The following UBR2 variants were observed in gnomAD, a reference collection of about 807,000 sequenced individuals.
UBR2 encodes the protein E3 ubiquitin-protein ligase UBR2.
In UBR2, 92 loss-of-function variants were observed where a neutral mutation model predicts 247.9. That is an observed-to-expected ratio of 0.37 (90% CI 0.31 to 0.44). UBR2 has a LOEUF of 0.44. Ranked by LOEUF, UBR2 falls within the 20% of genes least tolerant of loss-of-function variation. The pLI, the probability that UBR2 is intolerant of heterozygous loss-of-function variation, is 1.00. For missense variants in UBR2, 1,613 were observed against 2,112.6 expected, an observed-to-expected ratio of 0.76 and a Z score of 4.64; for synonymous variants, 672 against 693.5, an observed-to-expected ratio of 0.97 and a Z score of 0.49.
Position 42,640,383 on chromosome 6 carries a change from G to GGTGTGTGT in UBR2, c.1920+158_1920+165dup, listed in dbSNP as rs61668810. 1,709 of 173,038 alleles carry GGTGTGTGT rather than the reference G, an allele frequency of 9.9e-3. 6 individuals are homozygous for GGTGTGTGT. The highest frequency in any genetic ancestry group is 0.021 in the Admixed American group (176 of 8,440). 10.7% of individuals were successfully genotyped at this position (173,038 alleles called of 1,614,324 possible). On this transcript the variant is annotated intron_variant, in intron 16 of 46. Transcript: ENST00000372901. ...TTCTCCAGAGGAACAGAACCAGTAAGGTGTGTGTGTGTGTGTGTGTGTGTG... is the reference window on the plus strand; with the variant it reads ...TTCTCCAGAGGAACAGAACCAGTAAGGTGTGTGTGTGTGTGTGTGTGTGTGTGTGTGTG...
intron 7 of UBR2, among the ~76,000 whole-genome samples, chr6:42,608,840 G>A (rs745817240): frequency 2.0e-5 from 3 of 151,724 alleles, no homozygotes; most frequent in Admixed American, 2.0e-4. Context: ...TAAGTTTGTT[G>A]TGGTGCCTTT....
At chr6:42,644,136 C>T in intron 18 of UBR2, 78 bp from the exon 19 acceptor site, 4 of 1,441,918 alleles carry the variant, frequency 2.8e-6, no homozygotes, top group East Asian at 2.3e-5. Context: ...GCCAAACTAT[C>T]TCTCACTAAT....
In UBR2 at chr6:42,619,439, ATATATATATATATATT is replaced by A. The variant is rs1403157607; in HGVS notation, c.1281+1934_1281+1949del. The A allele has an allele frequency of 1.3e-3, 29 of 22,862 alleles. 4 individuals carry two copies. In the Middle Eastern group the frequency reaches 0.05, roughly 39 times the overall value. The allele number at this position is 22,862 out of a possible 1,614,324, so 1.4% of individuals were successfully genotyped here. Reference sequence around the variant, plus strand: ...TATATATATATATATATATATATATATATATATATATATATTTTTTTTTTTTAGTTCTCTATCTCTG... The same window carrying A: ...TATATATATATATATATATATATATATTTTTTTTTTAGTTCTCTATCTCTG... On this transcript the variant is annotated intron_variant, in intron 11 of 46. Coordinates refer to ENST00000372901, the MANE Select transcript of UBR2 (RefSeq NM_001363705.2).
intron 15 of UBR2, 116 bp downstream of exon 15, chr6:42,637,310 T>A (rs1582610003): frequency 1.7e-6 from 2 of 1,144,016 alleles, no homozygotes; most frequent in South Asian, 3.2e-5. Context: ...TCTACATCAT[T>A]AACTTATCCA....
At chr6:42,622,061 G>A (rs942028976) in intron 11 of UBR2, among the ~76,000 whole-genome samples, 2 of 151,810 alleles carry the variant, frequency 1.3e-5, no homozygotes, top group African/African-American at 4.8e-5. Flanking sequence ...TGTCACCCAG[G>A]CTAGAGCACA....
chr6:42,675,681 C>T (rs1331700384), intron 38 of UBR2, among the ~76,000 whole-genome samples: 1 of 152,082 alleles, frequency 6.6e-6, no homozygotes, highest in African/African-American at 2.4e-5. Flanking sequence ...GAAATGTGAC[C>T]AGGCGCGGTG....
chr6:42,581,245 A>G lies in UBR2; in HGVS notation c.338+7252A>G, dbSNP rs370981308. On this transcript the variant is annotated intron_variant, in intron 2 of 46. Coordinates refer to ENST00000372901, the MANE Select transcript of UBR2 (RefSeq NM_001363705.2). ...CGCTCTGTCGCCCAGGCTGAAGTGCAGTGGCATGATCTCAGCTCACTGCAA... is the reference window on the plus strand; with the variant it reads ...CGCTCTGTCGCCCAGGCTGAAGTGCGGTGGCATGATCTCAGCTCACTGCAA... Among the ~76,000 whole-genome samples the G allele has an allele frequency of 3.3e-5, 5 of 150,624 alleles. No homozygotes were observed. The East Asian group carries it at 9.8e-4, about 30-fold the overall frequency.
rs750137823 is a variant in UBR2, at chr6:42,601,904, CTG to C, written c.532-1682_532-1681del. Among the ~76,000 whole-genome samples, 181 of 113,696 alleles carry C rather than the reference CTG, an allele frequency of 1.6e-3. 2 individuals are homozygous for C. The highest frequency in any genetic ancestry group is 5.4e-3 in the Middle Eastern group (1 of 186). The allele number at this position is 113,696 out of a possible 152,430, so 74.6% of individuals were successfully genotyped here. ...TTTTTTTTTTTGATGGAGTTTTGCT[CTG>C]TTGCCCAGGCTGGAGTACAGTGGCA... On this transcript the variant is annotated intron_variant, in intron 4 of 46. Transcript: ENST00000372901.
At chr6:42,678,494 C>G (rs1017973777) in intron 40 of UBR2, 45 bp from the exon 41 acceptor site, 31 of 1,587,412 alleles carry the variant, frequency 2.0e-5, no homozygotes, top group Non-Finnish European at 2.6e-5. Context: ...AGTACAGTGA[C>G]CTTTTCTTAG....
chr6:42,630,133 C>CAGTAGT (rs79492372), intron 11 of UBR2, among the ~76,000 whole-genome samples: 2,195 of 149,010 alleles, frequency 0.015, 23 homozygotes, highest in Non-Finnish European at 0.02. Flanking sequence ...GTAGCAGTAG[C>CAGTAGT]AGTAGTAGTA....
At chr6:42,612,362 G>T in intron 8 of UBR2, 71 bp downstream of exon 8, 1 of 1,359,228 alleles carries the variant, frequency 7.4e-7, no homozygotes, top group South Asian at 2.1e-5. Context: ...AAACTGTTTT[G>T]GGAAAACTAT....
intron 44 of UBR2, among the ~76,000 whole-genome samples, chr6:42,686,225 G>T (rs905057544): frequency 3.9e-4 from 59 of 151,840 alleles, no homozygotes; most frequent in African/African-American, 1.4e-3. Context: ...AGGTCCCTGC[G>T]GCCTTCCGCA....
chr6:42,597,893 ACAAGAACGAAACTCCATCT>A (rs920786059), intron 4 of UBR2, among the ~76,000 whole-genome samples: 2 of 151,968 alleles, frequency 1.3e-5, no homozygotes, highest in Non-Finnish European at 2.9e-5. Flanking sequence ...TCCAGCCTGG[ACAAGAACGAAACTCCATCT>A]CAAAAACCAA....
chr6:42,685,997 A>G (rs1373474293), intron 44 of UBR2, among the ~76,000 whole-genome samples: 2 of 152,130 alleles, frequency 1.3e-5, no homozygotes, highest in East Asian at 3.8e-4. Flanking sequence ...ACTATTCTAA[A>G]TGGAATATTA....
chr6:42,616,553 G>A (rs1324258693), intron 10 of UBR2, among the ~76,000 whole-genome samples: 1 of 150,702 alleles, frequency 6.6e-6, no homozygotes, highest in African/African-American at 2.4e-5. Context: ...TGTATATTTT[G>A]TTAGAAAATT....
At chr6:42,578,972 AAC>A (rs35575176) in intron 2 of UBR2, among the ~76,000 whole-genome samples, 61,516 of 148,628 alleles carry the variant, frequency 0.41, 12,432 homozygotes, top group African/African-American at 0.45. Context: ...CACACACACA[AAC>A]ACACACACAC....
chr6:42,649,847 T>A (rs1797009098), intron 22 of UBR2, among the ~76,000 whole-genome samples: 1 of 152,216 alleles, frequency 6.6e-6, no homozygotes, highest in African/African-American at 2.4e-5. Flanking sequence ...CTGTCTCAAT[T>A]GGCTTCTGGG....
chr6:42,581,788 A>G (rs565691542), intron 2 of UBR2, among the ~76,000 whole-genome samples: 1 of 152,300 alleles, frequency 6.6e-6, no homozygotes, highest in East Asian at 1.9e-4. Flanking sequence ...AGTTGCCTAC[A>G]ATCTGTTGTT....
intron 11 of UBR2, among the ~76,000 whole-genome samples, chr6:42,628,017 T>G (rs1481932263): frequency 6.6e-6 from 1 of 152,150 alleles, no homozygotes; most frequent in Admixed American, 6.5e-5. Context: ...GTTTTTTTCT[T>G]GGGATCTTAA....
Sources: gnomAD v4.1 joint callset for allele counts (sites outside exome capture counted in the v4.1 genomes callset) on GRCh38, gnomAD v4.1.1 for gene constraint, MANE v1.5 for transcripts, NCBI Gene and HGNC (gene_info 2026-07-23, HGNC 2026-07-21) for gene names.